The following GOLGA8B variants were observed in gnomAD, a reference collection of about 807,000 sequenced individuals.
The protein encoded by GOLGA8B is golgin A8 family member B, also known as golgin subfamily A member 8B.
A neutral mutation model predicts 15.6 loss-of-function variants in GOLGA8B; 1 was observed. That is an observed-to-expected ratio of 0.06 (90% CI 0.02 to 0.30). The LOEUF (loss-of-function observed/expected upper bound fraction) is 0.30. GOLGA8B is among the 10% of genes least tolerant of loss of function. The pLI is 1.00. For synonymous variants in GOLGA8B, 9 were observed against 80.3 expected (o/e 0.11, Z 4.75); for missense variants, 17 against 201.3 (o/e 0.08, Z 5.54).
chr15:34,569,621 T>C (rs899049165), intron 1 of GOLGA8B, among the ~76,000 whole-genome samples: 4 of 151,918 alleles, frequency 2.6e-5, no homozygotes, highest in African/African-American at 7.2e-5. Context: ...GAGAAAATGA[T>C]GCCCATCACC....
At chr15:34,578,685 C>T (rs1889146847) in intron 1 of GOLGA8B, among the ~76,000 whole-genome samples, 1 of 152,202 alleles carries the variant, frequency 6.6e-6, no homozygotes, top group Non-Finnish European at 1.5e-5. Flanking sequence ...GAACTCAACA[C>T]ACAGAATTGC....
chr15:34,572,299 A>C (rs1432296479), intron 1 of GOLGA8B, among the ~76,000 whole-genome samples: 1 of 152,242 alleles, frequency 6.6e-6, no homozygotes, highest in Admixed American at 6.5e-5. Context: ...CAGCCCCGCA[A>C]GTCCACTTCT....
chr15:34,581,429 A>C (rs1374274717), intron 1 of GOLGA8B: 1 of 152,312 alleles, frequency 6.6e-6, no homozygotes, highest in East Asian at 1.9e-4. Context: ...CCCATCTCTA[A>C]GCTTCCAGGG....
intron 1 of GOLGA8B, among the ~76,000 whole-genome samples, chr15:34,579,460 C>G (rs1193990114): frequency 6.6e-6 from 1 of 152,202 alleles, no homozygotes; most frequent in African/African-American, 2.4e-5. Context: ...CAGGGAGACG[C>G]AGCGCTGACT....
At chr15:34,569,367 T>A (rs1888844046) in intron 1 of GOLGA8B, among the ~76,000 whole-genome samples, 1 of 151,698 alleles carries the variant, frequency 6.6e-6, no homozygotes, top group African/African-American at 2.4e-5. Flanking sequence ...CCCTCTCCCC[T>A]CCATCACACT....
chr15:34,564,686 C>T lies in GOLGA8B; in HGVS notation c.-1122-10730G>A, dbSNP rs1363365962. 6.9e-5 allele frequency among the ~76,000 whole-genome samples: 10 copies of T among 144,872 alleles called. No homozygotes were observed. In the East Asian group the frequency reaches 1.9e-3, roughly 28 times the overall value. On this transcript the variant is annotated intron_variant, in intron 1 of 23. Coordinates refer to ENST00000683415, the MANE Select transcript of GOLGA8B (RefSeq NM_001023567.5). ...TCTTGATTGTTTTACAAGATTTTTT[C>T]TGCAGGTACTTTTGCAAGCGTGTAG...
chr15:34,569,381 G>A (rs867509495), intron 1 of GOLGA8B, among the ~76,000 whole-genome samples: 8 of 151,916 alleles, frequency 5.3e-5, no homozygotes, highest in East Asian at 1.9e-4. Flanking sequence ...TCACACTTCG[G>A]ACCTTCCTGG....
At chr15:34,564,369 A>G (rs1888701814) in intron 1 of GOLGA8B, among the ~76,000 whole-genome samples, 1 of 151,454 alleles carries the variant, frequency 6.6e-6, no homozygotes, top group Non-Finnish European at 1.5e-5. Flanking sequence ...AAAAAAAAAA[A>G]AAAAAAAAAG....
chr15:34,569,325 A>G (rs1225399312), intron 1 of GOLGA8B, among the ~76,000 whole-genome samples: 6 of 150,494 alleles, frequency 4.0e-5, no homozygotes, highest in Non-Finnish European at 8.9e-5. Context: ...CAGGCCTTGG[A>G]CCCACGCCTC....
intron 1 of GOLGA8B, among the ~76,000 whole-genome samples, chr15:34,572,632 T>C (rs1252614976): frequency 1.3e-5 from 2 of 152,168 alleles, no homozygotes; most frequent in African/African-American, 4.8e-5. Context: ...ATGGGAGGAA[T>C]CGCCACCAAA....
intron 1 of GOLGA8B, among the ~76,000 whole-genome samples, chr15:34,565,109 C>T (rs1339231194): frequency 7.3e-6 from 1 of 137,694 alleles, no homozygotes; most frequent in African/African-American, 2.6e-5. Context: ...TTCCAGCTGC[C>T]AGGTCAGCCT....
intron 1 of GOLGA8B, among the ~76,000 whole-genome samples, chr15:34,565,149 T>C (rs1481508291): frequency 7.4e-6 from 1 of 136,016 alleles, no homozygotes; most frequent in Admixed American, 7.3e-5. Context: ...TTTTTTTTTT[T>C]TTTGAGACGG....
chr15:34,573,824 C>G (rs1209365577), intron 1 of GOLGA8B, among the ~76,000 whole-genome samples: 3 of 151,788 alleles, frequency 2.0e-5, no homozygotes, highest in Admixed American at 1.3e-4. Context: ...GGACAACCAA[C>G]AGCTGTGGGA....
At chr15:34,568,999 G>GC (rs1764692132) in intron 1 of GOLGA8B, among the ~76,000 whole-genome samples, 1 of 150,052 alleles carries the variant, frequency 6.7e-6, no homozygotes, top group South Asian at 2.1e-4. Context: ...CATTCTACAG[G>GC]CCTCCCATGT....
At position 34,545,462 on chromosome 15, in the gene GOLGA8B, C is replaced by T. The variant is rs368032204; in HGVS notation, c.-526-36G>A. The T allele has an allele frequency of 1.5e-3, 191 of 130,458 alleles. 7 individuals are homozygous for T. The East Asian group carries it at 0.036, about 25-fold the overall frequency. 8.1% of individuals were successfully genotyped at this position (130,458 alleles called of 1,614,324 possible). On this transcript the variant is annotated intron_variant, in intron 5 of 23. Transcript: ENST00000683415. ...AAAAAGGAAACATACAAAACTATCT[C>T]GAGAATTATTCCTGCTTAAACAATT...
intron 1 of GOLGA8B, among the ~76,000 whole-genome samples, chr15:34,572,850 T>C (rs1309084497): frequency 3.3e-5 from 5 of 152,242 alleles, no homozygotes; most frequent in African/African-American, 1.2e-4. Context: ...GCCACCCCCG[T>C]TGATGGAGCC....
At chr15:34,573,598 CAT>C (rs910336056) in intron 1 of GOLGA8B, among the ~76,000 whole-genome samples, 2 of 147,954 alleles carry the variant, frequency 1.4e-5, no homozygotes, top group Non-Finnish European at 3.0e-5. Flanking sequence ...TGCTTCCACA[CAT>C]AGAAAATAAT....
intron 1 of GOLGA8B, among the ~76,000 whole-genome samples, chr15:34,567,008 G>A (rs531031962): frequency 1.7e-5 from 2 of 116,964 alleles, no homozygotes; most frequent in East Asian, 4.3e-4. Flanking sequence ...ACATGGAGTG[G>A]CTCAGGTGCC....
chr15:34,571,709 C>T (rs1418110573), intron 1 of GOLGA8B, among the ~76,000 whole-genome samples: 1 of 151,664 alleles, frequency 6.6e-6, no homozygotes, highest in East Asian at 1.9e-4. Context: ...TCGAGACTAT[C>T]AAGTATTAGC....
Sources: allele counts gnomAD v4.1 joint callset (sites outside exome capture counted in the v4.1 genomes callset), GRCh38; gene constraint gnomAD v4.1.1; transcripts MANE v1.5; gene names NCBI Gene and HGNC (gene_info 2026-07-23, HGNC 2026-07-21).